The following CDK14 variants were observed in gnomAD, a reference collection of about 807,000 sequenced individuals.
CDK14 encodes cyclin-dependent kinase 14.
CDK14 carries 34 observed loss-of-function variants against 60.7 expected under a neutral mutation model. The observed-to-expected ratio is 0.56, with a 90% CI of 0.43 to 0.75. CDK14 has a LOEUF of 0.75. Among genes scored for constraint, CDK14 ranks in the 30% least tolerant of loss-of-function variants. The pLI is 0.00. For missense variants in CDK14, 482 were observed against 564.1 expected, an observed-to-expected ratio of 0.85 and a Z score of 1.47; for synonymous variants, 197 against 203.7, an observed-to-expected ratio of 0.97 and a Z score of 0.28.
In CDK14 at chr7:90,650,018, C is replaced by T. The variant is rs576862843; in HGVS notation, c.123+45769C>T. The stretch of plus-strand genomic sequence containing the variant: ...CAAAAGGTATTTCTAGTTCTAGATC[C>T]TTGAGGAATCACCACACTGTCTTCC... On this transcript the variant is annotated intron_variant, in intron 2 of 14. Coordinates refer to ENST00000380050, the MANE Select transcript of CDK14 (RefSeq NM_001287135.2). 2.6e-5 allele frequency among the ~76,000 whole-genome samples: 4 copies of T among 152,236 alleles called. No individual in the cohort carries two copies. In the South Asian group the frequency reaches 8.3e-4, roughly 32 times the overall value.
At chr7:91,077,764 A>T (rs1185602411) in intron 11 of CDK14, among the ~76,000 whole-genome samples, 2 of 151,958 alleles carry the variant, frequency 1.3e-5, no homozygotes, top group Non-Finnish European at 2.9e-5. Flanking sequence ...ACACACACAC[A>T]CACACACACA....
intron 3 of CDK14, among the ~76,000 whole-genome samples, chr7:90,728,801 T>C (rs973906910): frequency 6.6e-6 from 1 of 152,068 alleles, no homozygotes; most frequent in African/African-American, 2.4e-5. Flanking sequence ...TGTGCCTGGG[T>C]GGCTTGTCAG....
At chr7:91,079,812 ACTTT>A (rs1243806015) in intron 12 of CDK14, among the ~76,000 whole-genome samples, 1 of 152,180 alleles carries the variant, frequency 6.6e-6, no homozygotes, top group African/African-American at 2.4e-5. Flanking sequence ...ATAATGACTG[ACTTT>A]CTAATATAAA....
intron 5 of CDK14, among the ~76,000 whole-genome samples, chr7:90,827,909 C>G (rs2117099391): frequency 6.6e-6 from 1 of 152,284 alleles, no homozygotes; most frequent in East Asian, 1.9e-4. Context: ...TGTAGTTTCT[C>G]TTAAGCATTC....
chr7:91,081,440 A>G (rs984901922), intron 12 of CDK14, among the ~76,000 whole-genome samples: 8 of 152,224 alleles, frequency 5.3e-5, no homozygotes, highest in East Asian at 3.8e-4. Context: ...TTTAAAATAA[A>G]TTGAACTAAT....
chr7:90,885,516 A>G (rs1474150922), intron 6 of CDK14, among the ~76,000 whole-genome samples: 3 of 152,242 alleles, frequency 2.0e-5, no homozygotes, highest in Admixed American at 1.3e-4. Flanking sequence ...GCGATTTCTC[A>G]GGGATCTAGA....
chr7:90,740,796 A>G (rs1205797171), intron 3 of CDK14, among the ~76,000 whole-genome samples: 1 of 152,186 alleles, frequency 6.6e-6, no homozygotes, highest in African/African-American at 2.4e-5. Flanking sequence ...AGTGCTAGCA[A>G]AATTTGTGCT....
intron 2 of CDK14, among the ~76,000 whole-genome samples, chr7:90,698,908 C>A (rs1801723601): frequency 6.6e-6 from 1 of 152,032 alleles, no homozygotes; most frequent in Admixed American, 6.6e-5. Flanking sequence ...TTTGTAGTTA[C>A]AAGGGGAAAT....
chr7:90,883,912 A>C (rs747549572), intron 6 of CDK14, among the ~76,000 whole-genome samples: 4 of 152,210 alleles, frequency 2.6e-5, no homozygotes, highest in Non-Finnish European at 5.9e-5. Context: ...AACTCTCAAT[A>C]GACTAGATAT....
chr7:91,169,665 T>C (rs2115792152), intron 14 of CDK14, among the ~76,000 whole-genome samples: 1 of 152,348 alleles, frequency 6.6e-6, no homozygotes, highest in East Asian at 1.9e-4. Flanking sequence ...CAGGTTTTTC[T>C]ACTCTGAAAC....
intron 5 of CDK14, among the ~76,000 whole-genome samples, chr7:90,792,858 T>C (rs1805889863): frequency 1.3e-5 from 2 of 152,218 alleles, no homozygotes; most frequent in South Asian, 2.1e-4. Context: ...TCTTCAAACA[T>C]GCTATAGAGT....
intron 10 of CDK14, among the ~76,000 whole-genome samples, chr7:91,013,807 A>G (rs1193715102): frequency 1.3e-5 from 2 of 152,064 alleles, no homozygotes; most frequent in Non-Finnish European, 2.9e-5. Context: ...GGAACATGTA[A>G]TGAAGACTCA....
chr7:90,942,760 T>C (rs955307513), intron 8 of CDK14, among the ~76,000 whole-genome samples: 3 of 152,204 alleles, frequency 2.0e-5, no homozygotes. Context: ...TGAAACACTT[T>C]CTTCTTTTTG....
intron 10 of CDK14, among the ~76,000 whole-genome samples, chr7:91,010,273 A>T (rs1159154186): frequency 6.6e-6 from 1 of 152,078 alleles, no homozygotes; most frequent in Admixed American, 6.6e-5. Context: ...GAATTTCATA[A>T]TCTGCTGATC....
chr7:90,686,503 A>G (rs918005626), intron 2 of CDK14, among the ~76,000 whole-genome samples: 1 of 152,180 alleles, frequency 6.6e-6, no homozygotes, highest in Non-Finnish European at 1.5e-5. Context: ...TGTTTATTTC[A>G]TTGAGAAGCT....
chr7:90,672,927 C>T (rs151004743), intron 2 of CDK14, among the ~76,000 whole-genome samples: 2 of 152,032 alleles, frequency 1.3e-5, no homozygotes, highest in African/African-American at 2.4e-5. Flanking sequence ...TTTACTATTA[C>T]AGAGGAATAG....
intron 14 of CDK14, among the ~76,000 whole-genome samples, chr7:91,159,801 G>A (rs1342050216): frequency 6.6e-6 from 1 of 152,162 alleles, no homozygotes; most frequent in Non-Finnish European, 1.5e-5. Flanking sequence ...AATGCGACTT[G>A]GTGGTGGGTT....
chr7:90,987,045 C>CA (rs1459273110), intron 10 of CDK14, among the ~76,000 whole-genome samples: 3 of 151,756 alleles, frequency 2.0e-5, no homozygotes, highest in Admixed American at 6.6e-5. Context: ...AGCAACAGAA[C>CA]AAAAAGGTGA....
At chr7:90,719,515 A>G (rs1802367458) in intron 2 of CDK14, among the ~76,000 whole-genome samples, 1 of 152,196 alleles carries the variant, frequency 6.6e-6, no homozygotes, top group South Asian at 2.1e-4. Context: ...CTAAGCTAGA[A>G]TCGTAGGTCA....
Sources: gnomAD v4.1 joint callset for allele counts (sites outside exome capture counted in the v4.1 genomes callset) on GRCh38, gnomAD v4.1.1 for gene constraint, MANE v1.5 for transcripts, NCBI Gene and HGNC (gene_info 2026-07-23, HGNC 2026-07-21) for gene names.